Variants in KDM4C observed in about 807,000 individuals in gnomAD.
The protein encoded by KDM4C is lysine-specific demethylase 4C.
KDM4C carries 81 observed loss-of-function variants against 129.3 expected under a neutral mutation model. That is an observed-to-expected ratio of 0.63 (90% CI 0.52 to 0.75). KDM4C has a LOEUF of 0.75. Among genes scored for constraint, KDM4C ranks in the 30% least tolerant of loss-of-function variants. KDM4C has a pLI of 0.00. For missense variants in KDM4C, 1,457 were observed against 1,304.0 expected (o/e 1.12, Z -1.81); for synonymous variants, 573 against 456.1 (o/e 1.26, Z -3.26).
upstream of KDM4C, among the ~76,000 whole-genome samples, chr9:6,753,137 C>T (rs1278761953): frequency 6.6e-6 from 1 of 152,206 alleles, no homozygotes; most frequent in Non-Finnish European, 1.5e-5. Context: ...GGCACAAATC[C>T]TAATCCTTAT....
intron 8 of KDM4C, among the ~76,000 whole-genome samples, chr9:6,898,223 A>G (rs1430989381): frequency 1.3e-5 from 2 of 152,198 alleles, no homozygotes; most frequent in African/African-American, 4.8e-5. Context: ...TTGTGAAGAT[A>G]TTTTGTGTTT....
intron 13 of KDM4C, among the ~76,000 whole-genome samples, chr9:7,012,340 A>T (rs887227861): frequency 3.3e-5 from 5 of 152,140 alleles, no homozygotes; most frequent in Admixed American, 6.5e-5. Flanking sequence ...TGGTCTCCCA[A>T]ATCTTTTTTG....
At chr9:7,145,108 T>A (rs1842098399) in intron 19 of KDM4C, among the ~76,000 whole-genome samples, 1 of 152,088 alleles carries the variant, frequency 6.6e-6, no homozygotes, top group South Asian at 2.1e-4. Flanking sequence ...GGCCTCCTCC[T>A]CGGGTGTTGA....
At chr9:6,777,455 G>C (rs1321714738) in intron 1 of KDM4C, among the ~76,000 whole-genome samples, 1 of 152,198 alleles carries the variant, frequency 6.6e-6, no homozygotes, top group South Asian at 2.1e-4. Flanking sequence ...CATCTCCGGG[G>C]CTGTGGGAGG....
intron 8 of KDM4C, among the ~76,000 whole-genome samples, chr9:6,974,246 A>G (rs567104610): frequency 6.6e-6 from 1 of 152,334 alleles, no homozygotes; most frequent in East Asian, 1.9e-4. Flanking sequence ...AAATACCTGA[A>G]AGACTCTCTA....
At chr9:6,973,403 C>G (rs569403684) in intron 8 of KDM4C, among the ~76,000 whole-genome samples, 2 of 152,254 alleles carry the variant, frequency 1.3e-5, no homozygotes, top group African/African-American at 4.8e-5. Context: ...CTCTCTTGGT[C>G]TAGTTAGCTT....
chr9:6,936,803 G>C (rs1043584802), intron 8 of KDM4C, among the ~76,000 whole-genome samples: 1 of 152,148 alleles, frequency 6.6e-6, no homozygotes, highest in African/African-American at 2.4e-5. Context: ...TGTGCCCTTA[G>C]CTAAGTAACT....
Position 7,115,788 on chromosome 9 carries a change from C to T in KDM4C, c.2610+11918C>T, listed in dbSNP as rs150949479. On this transcript the variant is annotated intron_variant, in intron 18 of 21. Transcript: ENST00000381309. ...CAAAAGGCCTCCTGAAGCCTCTTGGCAGGAAGCCAGTGATTCCAGAGGAAT... is the reference window on the plus strand; with the variant it reads ...CAAAAGGCCTCCTGAAGCCTCTTGGTAGGAAGCCAGTGATTCCAGAGGAAT... 2.0e-5 allele frequency among the ~76,000 whole-genome samples: 3 copies of T among 152,342 alleles called. No individual in the cohort carries two copies. In the East Asian group the frequency reaches 5.8e-4, roughly 29 times the overall value.
chr9:7,151,800 AGG>A (rs1191663384), intron 19 of KDM4C, among the ~76,000 whole-genome samples: 1 of 152,260 alleles, frequency 6.6e-6, no homozygotes, highest in Non-Finnish European at 1.5e-5. Flanking sequence ...CTGAAATTAC[AGG>A]GGTCTAGAAC....
intron 17 of KDM4C, among the ~76,000 whole-genome samples, chr9:7,067,648 C>G (rs1832612856): frequency 6.6e-6 from 1 of 152,098 alleles, no homozygotes; most frequent in African/African-American, 2.4e-5. Context: ...ATTTTATTTT[C>G]AAAGGCCTGT....
At chr9:7,070,073 A>G (rs923917312) in intron 17 of KDM4C, among the ~76,000 whole-genome samples, 1 of 152,230 alleles carries the variant, frequency 6.6e-6, no homozygotes, top group Admixed American at 6.5e-5. Flanking sequence ...GGAACAACAA[A>G]CAGACTGACA....
At chr9:7,089,168 T>C (rs1216265378) in intron 17 of KDM4C, among the ~76,000 whole-genome samples, 3 of 152,176 alleles carry the variant, frequency 2.0e-5, no homozygotes, top group African/African-American at 7.2e-5. Context: ...ATGTTTCTAA[T>C]TTACCATGTT....
intron 17 of KDM4C, among the ~76,000 whole-genome samples, chr9:7,057,800 A>G (rs1831068180): frequency 1.3e-5 from 2 of 152,230 alleles, no homozygotes; most frequent in Non-Finnish European, 2.9e-5. Context: ...AACGTCTGAG[A>G]TTCCACCAAC....
chr9:6,903,942 C>G (rs1042039667), intron 8 of KDM4C, among the ~76,000 whole-genome samples: 1 of 152,072 alleles, frequency 6.6e-6, no homozygotes. Flanking sequence ...TCATTCTGTT[C>G]AATATATCTT....
At chr9:6,802,546 C>T (rs768946866) in intron 2 of KDM4C, among the ~76,000 whole-genome samples, 7 of 152,144 alleles carry the variant, frequency 4.6e-5, no homozygotes, top group Admixed American at 2.0e-4. Flanking sequence ...TTTATAAATA[C>T]ATAAATATTT....
At chr9:7,131,756 G>A (rs912021782) in intron 19 of KDM4C, among the ~76,000 whole-genome samples, 6 of 151,648 alleles carry the variant, frequency 4.0e-5, no homozygotes, top group African/African-American at 4.8e-5. Context: ...TCATCAGGAC[G>A]TAAAAAAAAA....
At chr9:6,857,946 T>TTTTTC (rs555121528) in intron 5 of KDM4C, among the ~76,000 whole-genome samples, 1 of 140,172 alleles carries the variant, frequency 7.1e-6, no homozygotes, top group East Asian at 2.0e-4. Context: ...TTTTTTTTTT[T>TTTTTC]AGAGATGGGG....
At chr9:6,934,415 G>A (rs1440466357) in intron 8 of KDM4C, among the ~76,000 whole-genome samples, 6 of 151,174 alleles carry the variant, frequency 4.0e-5, no homozygotes, top group Non-Finnish European at 5.9e-5. Flanking sequence ...GGGAGGCGGA[G>A]CTTGCGGTGA....
chr9:6,737,417 T>G (rs1218961615), intron 1 of KDM4C, among the ~76,000 whole-genome samples: 2 of 150,882 alleles, frequency 1.3e-5, no homozygotes, highest in East Asian at 2.0e-4. Context: ...TCTCAGCACT[T>G]TGGGAGGCCG....
Sources: gnomAD v4.1 joint callset for allele counts (sites outside exome capture counted in the v4.1 genomes callset) on GRCh38, gnomAD v4.1.1 for gene constraint, MANE v1.5 for transcripts, NCBI Gene and HGNC (gene_info 2026-07-23, HGNC 2026-07-21) for gene names.